The following ASAP1 variants were observed in gnomAD, a reference collection of about 807,000 sequenced individuals.
ASAP1 encodes the protein arf-GAP with SH3 domain, ANK repeat and PH domain-containing protein 1.
A neutral mutation model predicts 145.2 loss-of-function variants in ASAP1; 43 were observed. The observed-to-expected ratio is 0.30, with a 90% CI of 0.23 to 0.38. The LOEUF (loss-of-function observed/expected upper bound fraction) is 0.38. Among genes scored for constraint, ASAP1 ranks in the 10% least tolerant of loss-of-function variants. The probability of loss-of-function intolerance (pLI) is 1.00; values close to 1 mark genes in which losing one functional copy is unlikely to be tolerated. For missense variants in ASAP1, 1,018 were observed against 1,355.3 expected (o/e 0.75, Z 3.91); for synonymous variants, 546 against 515.5 (o/e 1.06, Z -0.80).
chr8:130,087,276 T>G (rs150551008), intron 25 of ASAP1, among the ~76,000 whole-genome samples: 2,557 of 152,114 alleles, frequency 0.017, 36 homozygotes, highest in East Asian at 0.053. Context: ...TCCCAGCACT[T>G]TGAGAGGCCG....
intron 3 of ASAP1, among the ~76,000 whole-genome samples, chr8:130,281,267 G>A (rs1466153084): frequency 2.6e-5 from 4 of 152,138 alleles, no homozygotes; most frequent in South Asian, 2.1e-4. Context: ...TTAGAGATCC[G>A]TGGATCAACA....
intron 4 of ASAP1, among the ~76,000 whole-genome samples, chr8:130,219,027 A>G (rs947219436): frequency 2.6e-5 from 4 of 152,134 alleles, no homozygotes; most frequent in African/African-American, 9.7e-5. Context: ...TCATAATCCT[A>G]TGAAAATAGA....
intron 27 of ASAP1, among the ~76,000 whole-genome samples, chr8:130,066,570 CT>C (rs199921596): frequency 6.6e-6 from 1 of 151,448 alleles, no homozygotes; most frequent in Admixed American, 6.6e-5. Context: ...TTCTTTCTTT[CT>C]TTTTTCTTTC....
intron 25 of ASAP1, among the ~76,000 whole-genome samples, chr8:130,080,321 T>C (rs2097476209): frequency 6.6e-6 from 1 of 152,142 alleles, no homozygotes; most frequent in African/African-American, 2.4e-5. Flanking sequence ...CCAAGAGGCC[T>C]CATGCTAGGA....
intron 2 of ASAP1, among the ~76,000 whole-genome samples, chr8:130,378,165 G>A (rs1429525588): frequency 2.6e-5 from 4 of 152,196 alleles, no homozygotes; most frequent in African/African-American, 7.2e-5. Context: ...TGAAATATGC[G>A]GTTAATAGTA....
At chr8:130,114,539 G>A (rs1287255750) in intron 23 of ASAP1, among the ~76,000 whole-genome samples, 2 of 152,138 alleles carry the variant, frequency 1.3e-5, no homozygotes, top group Non-Finnish European at 2.9e-5. Flanking sequence ...AGTGCAGTAG[G>A]TTGGTTTATA....
At chr8:130,268,490 A>AACACACACACACAC (rs113714700) in intron 3 of ASAP1, among the ~76,000 whole-genome samples, 31 of 133,190 alleles carry the variant, frequency 2.3e-4, no homozygotes, top group East Asian at 9.4e-4. Context: ...CCCGTCTTAA[A>AACACACACACACAC]ACACACACAC....
At chr8:130,208,211 C>T (rs749436812) in intron 5 of ASAP1, among the ~76,000 whole-genome samples, 78 of 152,066 alleles carry the variant, frequency 5.1e-4, no homozygotes, top group Admixed American at 9.2e-4. Context: ...ATTATCAAAA[C>T]GAAAAAACAG....
intron 3 of ASAP1, among the ~76,000 whole-genome samples, chr8:130,304,333 T>C (rs1308839096): frequency 6.6e-6 from 1 of 152,120 alleles, no homozygotes; most frequent in Non-Finnish European, 1.5e-5. Context: ...GAACACCTAA[T>C]ATCCAAAGAG....
At chr8:130,279,672 T>C (rs1195402070) in intron 3 of ASAP1, among the ~76,000 whole-genome samples, 1 of 152,236 alleles carries the variant, frequency 6.6e-6, no homozygotes, top group Non-Finnish European at 1.5e-5. Context: ...TTTCTAGATC[T>C]TTCTCTATTG....
At chr8:130,430,319 T>A (rs1025109939) in intron 1 of ASAP1, among the ~76,000 whole-genome samples, 3 of 152,142 alleles carry the variant, frequency 2.0e-5, no homozygotes, top group Admixed American at 6.5e-5. Flanking sequence ...ACCTGTGTGT[T>A]TGTACGTACG....
At chr8:130,415,603 C>T (rs1430046264) in intron 1 of ASAP1, among the ~76,000 whole-genome samples, 1 of 152,186 alleles carries the variant, frequency 6.6e-6, no homozygotes, top group Non-Finnish European at 1.5e-5. Context: ...GCCTGGCCAA[C>T]ATGGTGAAAC....
intron 2 of ASAP1, among the ~76,000 whole-genome samples, chr8:130,365,718 G>A (rs776718001): frequency 6.6e-6 from 1 of 152,126 alleles, no homozygotes; most frequent in Non-Finnish European, 1.5e-5. Flanking sequence ...CAACTAGACT[G>A]TGACCTACCT....
chr8:130,110,303 G>A (rs1433266039), intron 24 of ASAP1, among the ~76,000 whole-genome samples: 1 of 152,166 alleles, frequency 6.6e-6, no homozygotes, highest in Admixed American at 6.5e-5. Flanking sequence ...TCTCTGAACA[G>A]GCATAGGCTG....
rs1817008551 is a variant in ASAP1, at chr8:130,217,525, T to C, written c.260-2824A>G. Among the ~76,000 whole-genome samples the C allele has an allele frequency of 4.6e-5, 5 of 108,484 alleles. 1 individual carries two copies. The South Asian group carries it at 1.8e-3, about 39-fold the overall frequency. The allele number at this position is 108,484 out of a possible 152,430, so 71.2% of individuals were successfully genotyped here. On this transcript the variant is annotated intron_variant, in intron 4 of 29. Coordinates refer to ENST00000518721, the MANE Select transcript of ASAP1 (RefSeq NM_018482.4). The stretch of plus-strand genomic sequence containing the variant: ...ATATGTGTATATATGTGTATATATG[T>C]GTGTATATATGTACACACACACACA...
At chr8:130,417,882 G>A (rs1829554311) in intron 1 of ASAP1, among the ~76,000 whole-genome samples, 1 of 152,214 alleles carries the variant, frequency 6.6e-6, no homozygotes, top group Non-Finnish European at 1.5e-5. Flanking sequence ...CTGTACTGGT[G>A]GTTCTAATAA....
intron 27 of ASAP1, among the ~76,000 whole-genome samples, chr8:130,073,587 C>T (rs559438474): frequency 9.9e-5 from 15 of 152,152 alleles, no homozygotes; most frequent in African/African-American, 2.9e-4. Context: ...GACAGTGCAG[C>T]GAGAGTGGAC....
chr8:130,249,882 A>G (rs1819086184), intron 3 of ASAP1, among the ~76,000 whole-genome samples: 1 of 152,090 alleles, frequency 6.6e-6, no homozygotes. Flanking sequence ...CAGCTTCCTG[A>G]CCTGCAAATG....
intron 24 of ASAP1, among the ~76,000 whole-genome samples, chr8:130,097,053 G>A (rs907789539): frequency 1.3e-4 from 19 of 142,674 alleles, no homozygotes; most frequent in Admixed American, 3.0e-4. Flanking sequence ...TTGAACCCGG[G>A]AGATGGAGGT....
Sources: allele counts gnomAD v4.1 joint callset (sites outside exome capture counted in the v4.1 genomes callset), GRCh38; gene constraint gnomAD v4.1.1; transcripts MANE v1.5; gene names NCBI Gene and HGNC (gene_info 2026-07-23, HGNC 2026-07-21).